The following NCOA1 variants were observed in gnomAD, a reference collection of about 807,000 sequenced individuals.
NCOA1 encodes Hin-2 protein.
In NCOA1, 35 loss-of-function variants were observed where a neutral mutation model predicts 150.9. The ratio of observed to expected loss-of-function variants is 0.23; its 90% CI spans 0.18 to 0.31. NCOA1 has a LOEUF of 0.31. Ranked by LOEUF, NCOA1 falls within the 10% of genes least tolerant of loss-of-function variation. The probability of loss-of-function intolerance (pLI) is 1.00; values close to 1 mark genes in which losing one functional copy is unlikely to be tolerated. For synonymous variants in NCOA1, 590 were observed against 630.0 expected, an observed-to-expected ratio of 0.94 and a Z score of 0.95; for missense variants, 1,491 against 1,749.3, an observed-to-expected ratio of 0.85 and a Z score of 2.63.
intron 14 of NCOA1, among the ~76,000 whole-genome samples, chr2:24,722,165 G>C (rs1426102773): frequency 6.6e-6 from 1 of 152,082 alleles, no homozygotes; most frequent in East Asian, 1.9e-4. Flanking sequence ...AATAAACCAG[G>C]ATTTAAATCT....
At chr2:24,663,488 G>A (rs1264588168) in intron 5 of NCOA1, among the ~76,000 whole-genome samples, 2 of 152,176 alleles carry the variant, frequency 1.3e-5, no homozygotes, top group Non-Finnish European at 2.9e-5. Flanking sequence ...AAGTATAGGA[G>A]TATTTGTTGA....
intron 21 of NCOA1, among the ~76,000 whole-genome samples, chr2:24,761,804 G>C (rs2148698696): frequency 6.6e-6 from 1 of 152,246 alleles, no homozygotes; most frequent in Non-Finnish European, 1.5e-5. Context: ...ATTTTTTCTA[G>C]GGCTAATTCT....
At chr2:24,705,291 G>C in intron 12 of NCOA1, 58 bp downstream of exon 12, 1 of 1,545,660 alleles carries the variant, frequency 6.5e-7, no homozygotes, top group Non-Finnish European at 8.8e-7. Flanking sequence ...TCTCTTATTA[G>C]AGAAATTTTT....
chr2:24,583,068 GTAT>G (rs1667264443), intron 2 of NCOA1, among the ~76,000 whole-genome samples: 1 of 152,076 alleles, frequency 6.6e-6, no homozygotes, highest in Non-Finnish European at 1.5e-5. Context: ...TAGACAAATG[GTAT>G]TATATCAAGC....
intron 22 of NCOA1, among the ~76,000 whole-genome samples, chr2:24,765,294 G>A (rs1428798810): frequency 6.6e-6 from 1 of 150,550 alleles, no homozygotes; most frequent in African/African-American, 2.4e-5. Context: ...ACTAGGTCAG[G>A]AGATCAAGAC....
chr2:24,637,239 C>G (rs569275943), intron 3 of NCOA1, among the ~76,000 whole-genome samples: 1 of 111,294 alleles, frequency 9.0e-6, no homozygotes, highest in Non-Finnish European at 1.8e-5. Context: ...CCCCTCCCCC[C>G]ACCCCACAAC....
chr2:24,509,912 C>G (rs1228820544), intron 1 of NCOA1, among the ~76,000 whole-genome samples: 1 of 152,172 alleles, frequency 6.6e-6, no homozygotes, highest in Non-Finnish European at 1.5e-5. Flanking sequence ...TTCAGTACCT[C>G]TTTATTTGTC....
intron 3 of NCOA1, among the ~76,000 whole-genome samples, chr2:24,639,210 GT>G (rs1243866956): frequency 1.3e-5 from 2 of 152,018 alleles, no homozygotes; most frequent in Non-Finnish European, 2.9e-5. Context: ...TGGACCTGGA[GT>G]TTTGTTTTGT....
chr2:24,498,260 C>T (rs1415894601), intron 1 of NCOA1, among the ~76,000 whole-genome samples: 2 of 152,112 alleles, frequency 1.3e-5, no homozygotes, highest in African/African-American at 2.4e-5. Context: ...TCGGTCAAGA[C>T]GTAGTTATAT....
intron 12 of NCOA1, among the ~76,000 whole-genome samples, chr2:24,705,518 A>G (rs1442579917): frequency 1.3e-5 from 2 of 152,198 alleles, no homozygotes; most frequent in Non-Finnish European, 2.9e-5. Flanking sequence ...CCATATGTGA[A>G]TCTTATAAGA....
At chr2:24,586,410 A>G (rs903361725) in intron 3 of NCOA1, among the ~76,000 whole-genome samples, 1 of 148,798 alleles carries the variant, frequency 6.7e-6, no homozygotes, top group South Asian at 2.1e-4. Context: ...GTTTAAGACA[A>G]AAATCTTCCT....
chr2:24,767,944 T>G, intron 22 of NCOA1: 1 of 784,464 alleles, frequency 1.3e-6, no homozygotes, highest in Non-Finnish European at 2.1e-6. Flanking sequence ...CTTGGCAACA[T>G]TAGCAATGAT....
At chr2:24,576,386 C>G (rs1354976148) in intron 2 of NCOA1, among the ~76,000 whole-genome samples, 4 of 151,968 alleles carry the variant, frequency 2.6e-5, no homozygotes, top group Non-Finnish European at 4.4e-5. Context: ...GACCTCAACT[C>G]TTTGAGACTG....
At chr2:24,760,306 ATTTTTTT>A (rs70947842) in intron 21 of NCOA1, among the ~76,000 whole-genome samples, 4 of 99,740 alleles carry the variant, frequency 4.0e-5, no homozygotes, top group African/African-American at 7.6e-5. Context: ...TGCCCGGCTA[ATTTTTTT>A]TTTTTTTTTT....
chr2:24,556,936 C>T (rs1475853169), intron 1 of NCOA1, among the ~76,000 whole-genome samples: 2 of 151,756 alleles, frequency 1.3e-5, no homozygotes, highest in Non-Finnish European at 2.9e-5. Flanking sequence ...TTACCTAGTG[C>T]TTGCTCTAGG....
At chr2:24,753,273 C>T (rs1409020059) in intron 20 of NCOA1, among the ~76,000 whole-genome samples, 6 of 152,110 alleles carry the variant, frequency 3.9e-5, no homozygotes, top group Non-Finnish European at 8.8e-5. Context: ...CCTATCTCTC[C>T]CTCTGTTGCA....
At chr2:24,526,339 A>G (rs1664650137) in intron 1 of NCOA1, among the ~76,000 whole-genome samples, 1 of 151,712 alleles carries the variant, frequency 6.6e-6, no homozygotes, top group African/African-American at 2.4e-5. Context: ...AGGTTAATAA[A>G]TTTCTCCCCC....
intron 1 of NCOA1, among the ~76,000 whole-genome samples, chr2:24,520,907 C>G (rs1664390349): frequency 1.4e-5 from 2 of 146,844 alleles, no homozygotes; most frequent in Non-Finnish European, 3.0e-5. Flanking sequence ...TGTTCTTTTT[C>G]CTTGCTCATT....
intron 14 of NCOA1, among the ~76,000 whole-genome samples, chr2:24,718,773 G>A (rs1007293265): frequency 2.6e-5 from 4 of 151,088 alleles, no homozygotes; most frequent in Non-Finnish European, 4.4e-5. Flanking sequence ...GGAGGCTGAG[G>A]CAGGAGAATG....
Sources: allele counts gnomAD v4.1 joint callset (sites outside exome capture counted in the v4.1 genomes callset), GRCh38; gene constraint gnomAD v4.1.1; transcripts MANE v1.5; gene names NCBI Gene and HGNC (gene_info 2026-07-23, HGNC 2026-07-21).